LYPLAL1: variants seen among roughly 807,000 people sequenced by gnomAD.
The protein encoded by LYPLAL1 is lysophospholipase like 1.
Under a neutral mutation model 19.7 loss-of-function variants are expected in LYPLAL1, and 23 were observed. That is an observed-to-expected ratio of 1.17 (90% CI 0.84 to 1.65). LYPLAL1 has a LOEUF of 1.65. Ranked by LOEUF, LYPLAL1 falls within the 40% of genes most tolerant of loss-of-function variation. The probability of loss-of-function intolerance (pLI) is 0.00; values close to 1 mark genes in which losing one functional copy is unlikely to be tolerated. For missense variants in LYPLAL1, 355 were observed against 279.4 expected (o/e 1.27, Z -1.93); for synonymous variants, 119 against 96.3 (o/e 1.24, Z -1.38).
At chr1:219,423,700 C>G in the LYPLAL1 span, among the ~76,000 whole-genome samples, 2 of 152,042 alleles carry the variant, frequency 1.3e-5, no homozygotes, top group Admixed American at 6.6e-5. Context: ...TAGAACCTCA[C>G]AATAACCCTG....
intron 2 of LYPLAL1, among the ~76,000 whole-genome samples, chr1:219,183,760 A>G (rs887914706): frequency 9.9e-5 from 15 of 151,922 alleles, no homozygotes; most frequent in African/African-American, 3.6e-4. Context: ...GTGTGTATCA[A>G]TAGTTCAATT....
the LYPLAL1 span, among the ~76,000 whole-genome samples, chr1:219,226,375 C>A: frequency 6.6e-6 from 1 of 152,112 alleles, no homozygotes; most frequent in Non-Finnish European, 1.5e-5. Flanking sequence ...TTTATAAAGG[C>A]AACATTTTGT....
chr1:219,397,616 T>G, the LYPLAL1 span, among the ~76,000 whole-genome samples: 1 of 152,242 alleles, frequency 6.6e-6, no homozygotes, highest in Non-Finnish European at 1.5e-5. Flanking sequence ...CTGGTTATTA[T>G]GCAGACTTGT....
At chr1:219,321,625 G>A in the LYPLAL1 span, among the ~76,000 whole-genome samples, 1 of 152,198 alleles carries the variant, frequency 6.6e-6, no homozygotes, top group Non-Finnish European at 1.5e-5. Flanking sequence ...TGTAAAAGGT[G>A]TAAGGAAGGG....
At chr1:219,418,815 C>T in the LYPLAL1 span, among the ~76,000 whole-genome samples, 59 of 152,336 alleles carry the variant, frequency 3.9e-4, no homozygotes, top group African/African-American at 1.4e-3. Context: ...CTCTCCATCT[C>T]CTCTCACCCC....
At chr1:219,189,098 T>C (rs1378370484) in intron 2 of LYPLAL1, among the ~76,000 whole-genome samples, 1 of 151,734 alleles carries the variant, frequency 6.6e-6, no homozygotes, top group Non-Finnish European at 1.5e-5. Flanking sequence ...GGGATTCTAC[T>C]TCTGCTGAGC....
the LYPLAL1 span, among the ~76,000 whole-genome samples, chr1:219,347,384 G>T: frequency 2.0e-5 from 3 of 152,132 alleles, no homozygotes; most frequent in Non-Finnish European, 4.4e-5. Context: ...TTAAAAAGTA[G>T]TCTTGATACA....
intron 3 of LYPLAL1, among the ~76,000 whole-genome samples, chr1:219,203,994 C>T (rs1658336052): frequency 6.6e-6 from 1 of 152,042 alleles, no homozygotes; most frequent in African/African-American, 2.4e-5. Flanking sequence ...AATGGATATG[C>T]ACTGCTTTCT....
At chr1:219,442,812 G>T in the LYPLAL1 span, among the ~76,000 whole-genome samples, 1 of 152,152 alleles carries the variant, frequency 6.6e-6, no homozygotes, top group East Asian at 1.9e-4. Flanking sequence ...AGGGCCCTGG[G>T]ATATCTGACC....
At chr1:219,352,378 C>A in the LYPLAL1 span, among the ~76,000 whole-genome samples, 11 of 152,086 alleles carry the variant, frequency 7.2e-5, no homozygotes, top group African/African-American at 2.7e-4. Context: ...ATTAGCCGGG[C>A]GCGGTGGCGG....
chr1:219,252,678 A>G, the LYPLAL1 span, among the ~76,000 whole-genome samples: 14 of 151,974 alleles, frequency 9.2e-5, no homozygotes, highest in African/African-American at 2.9e-4. Flanking sequence ...TGCTAGATTC[A>G]GTTTACAATA....
chr1:219,371,725 T>C, the LYPLAL1 span, among the ~76,000 whole-genome samples: 12,023 of 151,864 alleles, frequency 0.079, 514 homozygotes, highest in Non-Finnish European at 0.1. Context: ...ACCAATCCAA[T>C]TGTTTCCCTC....
At chr1:219,204,031 A>AAG (rs1034791353) in intron 3 of LYPLAL1, among the ~76,000 whole-genome samples, 1 of 152,156 alleles carries the variant, frequency 6.6e-6, no homozygotes, top group Non-Finnish European at 1.5e-5. Flanking sequence ...AAACTTTGTT[A>AAG]AGAGAGAGAG....
the LYPLAL1 span, among the ~76,000 whole-genome samples, chr1:219,278,308 C>A: frequency 2.6e-5 from 4 of 152,036 alleles, no homozygotes; most frequent in African/African-American, 7.2e-5. Context: ...TCCCAGGCAT[C>A]TTAAGTGGTA....
At chr1:219,196,754 C>T (rs1343978605) in intron 3 of LYPLAL1, among the ~76,000 whole-genome samples, 5 of 152,070 alleles carry the variant, frequency 3.3e-5, no homozygotes, top group African/African-American at 1.2e-4. Context: ...AAAACTCTAT[C>T]GTTTCAGCCC....
chr1:219,363,770 A>T, the LYPLAL1 span, among the ~76,000 whole-genome samples: 3 of 152,184 alleles, frequency 2.0e-5, no homozygotes, highest in African/African-American at 7.2e-5. Flanking sequence ...TTGGCAACCC[A>T]GGCCCAGGCT....
the LYPLAL1 span, among the ~76,000 whole-genome samples, chr1:219,355,766 T>A: frequency 6.6e-6 from 1 of 152,114 alleles, no homozygotes; most frequent in Non-Finnish European, 1.5e-5. Flanking sequence ...AACCAGAGTA[T>A]GTTTTCTGAC....
At chr1:219,351,192 A>G in the LYPLAL1 span, among the ~76,000 whole-genome samples, 5 of 151,832 alleles carry the variant, frequency 3.3e-5, no homozygotes, top group African/African-American at 1.2e-4. Context: ...TTGGACAATT[A>G]TTAGATTAGA....
chr1:219,253,010 C>G, the LYPLAL1 span, among the ~76,000 whole-genome samples: 6 of 152,104 alleles, frequency 3.9e-5, no homozygotes, highest in African/African-American at 1.4e-4. Flanking sequence ...CTGGCTCAGT[C>G]TTGAGAGAAT....
Sources: gnomAD v4.1 joint callset for allele counts (sites outside exome capture counted in the v4.1 genomes callset) on GRCh38, gnomAD v4.1.1 for gene constraint, MANE v1.5 for transcripts, NCBI Gene and HGNC (gene_info 2026-07-23, HGNC 2026-07-21) for gene names.